Variants in WDFY4 observed in about 807,000 individuals in gnomAD.
WDFY4 encodes WDFY family member 4, also known as WD repeat- and FYVE domain-containing protein 4.
A neutral mutation model predicts 351.9 loss-of-function variants in WDFY4; 169 were observed. That is an observed-to-expected ratio of 0.48 (90% CI 0.42 to 0.55). The LOEUF is 0.55. WDFY4 is among the 20% of genes least tolerant of loss of function. The pLI, the probability that WDFY4 is intolerant of heterozygous loss-of-function variation, is 0.00. For missense variants in WDFY4, 3,803 were observed against 3,935.6 expected (o/e 0.97, Z 0.90); for synonymous variants, 1,622 against 1,574.6 (o/e 1.03, Z -0.71).
chr10:48,836,939 C>A (rs2068420738), intron 39 of WDFY4, among the ~76,000 whole-genome samples: 2 of 152,166 alleles, frequency 1.3e-5, no homozygotes, highest in Admixed American at 1.3e-4. Flanking sequence ...CAATTCCAGA[C>A]TTCCTTGTTT....
intron 47 of WDFY4, among the ~76,000 whole-genome samples, chr10:48,913,205 C>A (rs541654689): frequency 4.6e-5 from 7 of 152,166 alleles, no homozygotes; most frequent in East Asian, 1.9e-4. Context: ...TGTGGAATGG[C>A]AAGGAATCAA....
chr10:48,815,965 T>C (rs1297341222), intron 31 of WDFY4, among the ~76,000 whole-genome samples: 3 of 152,350 alleles, frequency 2.0e-5, no homozygotes, highest in Non-Finnish European at 2.9e-5. Context: ...ACTTCTCTCC[T>C]TTCTTTGTAT....
chr10:48,943,304 T>C, intron 48 of WDFY4, 26 bp from the exon 49 acceptor site: 1 of 1,550,932 alleles, frequency 6.4e-7, no homozygotes, highest in Non-Finnish European at 8.7e-7. Flanking sequence ...GTATTTGGTT[T>C]ATCCCCTTTC....
intron 1 of WDFY4, among the ~76,000 whole-genome samples, chr10:48,699,423 A>G (rs1324516418): frequency 2.0e-5 from 3 of 152,164 alleles, no homozygotes; most frequent in Non-Finnish European, 4.4e-5. Flanking sequence ...CTGTCAGTTA[A>G]TACATCACCG....
At chr10:48,913,732 C>T (rs1464426958) in intron 47 of WDFY4, 2 of 1,613,048 alleles carry the variant, frequency 1.2e-6, no homozygotes, top group Admixed American at 1.7e-5. Context: ...TCCTTCAGGG[C>T]CCCCAGTGTG....
At chr10:48,793,403 G>C (rs1247184592) in intron 23 of WDFY4, among the ~76,000 whole-genome samples, 1 of 152,164 alleles carries the variant, frequency 6.6e-6, no homozygotes, top group Non-Finnish European at 1.5e-5. Context: ...TATGTCTTTG[G>C]GGAAAATCAG....
At position 48,954,626 on chromosome 10, in the gene WDFY4, T is replaced by G. The variant is rs372297515; in HGVS notation, c.7978-2503T>G. 3.3e-5 allele frequency among the ~76,000 whole-genome samples: 5 copies of G among 152,240 alleles called. No individual in the cohort carries two copies. The East Asian group carries it at 9.6e-4, about 29-fold the overall frequency. On this transcript the variant is annotated intron_variant, in intron 51 of 61. Transcript: ENST00000325239. ...TTCCTTCCTTTCGGAGAATTCAATCTTAGCTGGGACTGCTCGCTGGCAGCC... is the reference window on the plus strand; with the variant it reads ...TTCCTTCCTTTCGGAGAATTCAATCGTAGCTGGGACTGCTCGCTGGCAGCC...
intron 19 of WDFY4, among the ~76,000 whole-genome samples, chr10:48,783,817 G>C (rs2066305768): frequency 6.6e-6 from 1 of 152,146 alleles, no homozygotes; most frequent in African/African-American, 2.4e-5. Context: ...ACTGAATACT[G>C]TAGGCAACTG....
chr10:48,789,840 C>A (rs2132736528), intron 21 of WDFY4, 34 bp from the exon 22 acceptor site: 1 of 1,548,120 alleles, frequency 6.5e-7, no homozygotes, highest in Non-Finnish European at 8.7e-7. Flanking sequence ...TTTTGCAGGA[C>A]TTTCTTAGGA....
At chr10:48,804,751 A>T in intron 25 of WDFY4, 1 of 982,140 alleles carries the variant, frequency 1.0e-6, no homozygotes, top group Non-Finnish European at 1.2e-6. Context: ...ATTTACTGGA[A>T]ATTGGATTTG....
chr10:48,893,386 G>T (rs1223928573), intron 44 of WDFY4, among the ~76,000 whole-genome samples: 1 of 152,140 alleles, frequency 6.6e-6, no homozygotes, highest in Non-Finnish European at 1.5e-5. Flanking sequence ...CTCTTTTGGG[G>T]GACACGGTTC....
At chr10:48,905,131 C>A (rs1186342029) in intron 47 of WDFY4, among the ~76,000 whole-genome samples, 1 of 152,148 alleles carries the variant, frequency 6.6e-6, no homozygotes, top group Non-Finnish European at 1.5e-5. Flanking sequence ...CATAGCTGTC[C>A]CTATGACTGT....
rs920055111 is a variant in WDFY4, at chr10:48,767,840, G to T, written c.2554-6618G>T. On this transcript the variant is annotated intron_variant, in intron 13 of 61. Coordinates refer to ENST00000325239, the MANE Select transcript of WDFY4 (RefSeq NM_001394531.1). ...ATATAATGAATTTCACCTTTTGGGG[G>T]TGGGTGAGCTTAGCGTCCAGCTGGG... 1.9e-4 allele frequency among the ~76,000 whole-genome samples: 29 copies of T among 152,268 alleles called. 1 individual carries two copies. The highest frequency in any genetic ancestry group is 6.5e-4 in the African/African-American group (27 of 41,570).
At position 48,832,563 on chromosome 10, in the gene WDFY4, CT is replaced by C; in HGVS notation, c.6527-8del. 6.5e-7 allele frequency: 1 copy of C among 1,537,916 alleles called. No individual in the cohort carries two copies. Among genetic ancestry groups the C allele is most frequent in the South Asian group, 1.2e-5 (1 of 81,910 alleles). On this transcript the variant is annotated splice_polypyrimidine_tract_variant and intron_variant, in intron 38 of 61. Coordinates refer to ENST00000325239, the MANE Select transcript of WDFY4 (RefSeq NM_001394531.1). ...TTCACCTCTGACATTCTTTGCTTCC[CT>C]TCCCTCAGCATCTGAGAAGAAGTCA...
rs1836954377 is a variant in WDFY4, at chr10:48,894,144, G to T, written c.7317-3310G>T. ...TAATTTAGCTTTTCTGAGACTTTGG[G>T]TCTTTCTGAGGATCCATCCTCTATA... On this transcript the variant is annotated intron_variant, in intron 44 of 61. Transcript: ENST00000325239. Among the ~76,000 whole-genome samples the T allele has an allele frequency of 2.6e-5, 4 of 152,308 alleles. No individual in the cohort carries two copies. The South Asian group carries it at 6.2e-4, about 24-fold the overall frequency.
intron 43 of WDFY4, among the ~76,000 whole-genome samples, chr10:48,881,354 T>C (rs1305494809): frequency 2.0e-5 from 3 of 152,200 alleles, no homozygotes; most frequent in Non-Finnish European, 4.4e-5. Flanking sequence ...GGAAATGCTG[T>C]GGGGAGTGCT....
chr10:48,791,212 T>C (rs1452713895), intron 23 of WDFY4, among the ~76,000 whole-genome samples: 2 of 152,256 alleles, frequency 1.3e-5, no homozygotes, highest in Middle Eastern at 3.2e-3. Context: ...GTCTCTAGCA[T>C]GGTGGCTGAG....
chr10:48,820,616 C>A (rs2067790171), intron 33 of WDFY4, among the ~76,000 whole-genome samples, 179 bp downstream of exon 33: 1 of 152,248 alleles, frequency 6.6e-6, no homozygotes, highest in South Asian at 2.1e-4. Context: ...GCACAGAGTC[C>A]CTAGAAGCAG....
At chr10:48,686,754 T>C (rs1228829537) in intron 1 of WDFY4, among the ~76,000 whole-genome samples, 4 of 152,236 alleles carry the variant, frequency 2.6e-5, no homozygotes, top group Non-Finnish European at 5.9e-5. Context: ...TTATCTGAGA[T>C]GCTGTTGATG....
Sources: allele counts gnomAD v4.1 joint callset (sites outside exome capture counted in the v4.1 genomes callset), GRCh38; gene constraint gnomAD v4.1.1; transcripts MANE v1.5; gene names NCBI Gene and HGNC (gene_info 2026-07-23, HGNC 2026-07-21).